Variants in RPS14 observed in about 807,000 individuals in gnomAD.
The protein encoded by RPS14 is small ribosomal subunit protein uS11.
Under a neutral mutation model 15.4 loss-of-function variants are expected in RPS14, and 1 was observed. That is an observed-to-expected ratio of 0.07 (90% CI 0.02 to 0.31). The LOEUF (loss-of-function observed/expected upper bound fraction) is 0.31, where lower values mean the gene tolerates loss of function less well. Ranked by LOEUF, RPS14 falls within the 10% of genes least tolerant of loss-of-function variation. The probability of loss-of-function intolerance (pLI) is 1.00; values close to 1 mark genes in which losing one functional copy is unlikely to be tolerated. For synonymous variants in RPS14, 68 were observed against 74.4 expected, an observed-to-expected ratio of 0.91 and a Z score of 0.44; for missense variants, 69 against 205.5, an observed-to-expected ratio of 0.34 and a Z score of 4.06.
At position 150,445,101 on chromosome 5, in the gene RPS14, C is replaced by T. The variant is rs575472387; in HGVS notation, c.388+508G>A. Among the ~76,000 whole-genome samples, 3 of 152,338 alleles carry T rather than the reference C, an allele frequency of 2.0e-5. No individual in the cohort carries two copies. The East Asian group carries it at 5.8e-4, about 29-fold the overall frequency. ...CGTCAGTGTATGTCGCTACTAACTG[C>T]ACAGAACAATGTGCAGGGAAAGACT... On this transcript the variant is annotated intron_variant, in intron 4 of 4. Coordinates refer to ENST00000407193, the MANE Select transcript of RPS14 (RefSeq NM_005617.4).
chr5:150,448,131 T>G lies in RPS14; in HGVS notation c.-2-396A>C, dbSNP rs372057981. Reference sequence around the variant, plus strand: ...ACCCTTCATGGGGCGAGGGAGCTGCTTGATTCCTGCATGAACTCCTCAGCT... The same window carrying G: ...ACCCTTCATGGGGCGAGGGAGCTGCGTGATTCCTGCATGAACTCCTCAGCT... On this transcript the variant is annotated intron_variant, in intron 1 of 4. Coordinates refer to ENST00000407193, the MANE Select transcript of RPS14 (RefSeq NM_005617.4). The G allele has an allele frequency of 3.7e-4, 61 of 164,906 alleles. 1 individual carries two copies. Among genetic ancestry groups the G allele is most frequent in the African/African-American group, 1.4e-3 (57 of 41,934 alleles). 10.2% of individuals were successfully genotyped at this position (164,906 alleles called of 1,614,324 possible). A position where few individuals can be genotyped will look rare whatever the true frequency, so the allele number is the denominator to read the frequency against.
At chr5:150,448,782 C>A (rs890164929) in intron 1 of RPS14, 2 of 152,284 alleles carry the variant, frequency 1.3e-5, no homozygotes, top group Admixed American at 1.3e-4. Context: ...TAGATCTCTC[C>A]TCTGCCTTCC....
chr5:150,444,644 A>G (rs1180369527), intron 4 of RPS14: 5 of 608,724 alleles, frequency 8.2e-6, no homozygotes, highest in Admixed American at 2.1e-5. Flanking sequence ...CGTCTTCTCT[A>G]GAGGAAAAAA....
chr5:150,445,325 A>T (rs1771060373), intron 4 of RPS14: 1 of 572,858 alleles, frequency 1.7e-6, no homozygotes, highest in Admixed American at 3.1e-5. Context: ...AATAGCAATG[A>T]CCTCAAGAAT....
At chr5:150,445,383 G>A (rs1771061380) in intron 4 of RPS14, 1 of 689,776 alleles carries the variant, frequency 1.4e-6, no homozygotes, top group Non-Finnish European at 2.7e-6. Flanking sequence ...GCACCAGGCA[G>A]TGTAGGACAG....
At chr5:150,444,861 C>CAAAAAA (rs58978883) in intron 4 of RPS14, among the ~76,000 whole-genome samples, 27,764 of 137,014 alleles carry the variant, frequency 0.2, 3,352 homozygotes, top group South Asian at 0.39. Flanking sequence ...CTCCCCGCTA[C>CAAAAAA]AAAAAAAAAA....
At chr5:150,447,287 C>A in intron 2 of RPS14, 1 of 529,850 alleles carries the variant, frequency 1.9e-6, no homozygotes, top group Non-Finnish European at 3.4e-6. Context: ...GCCGTCGAAC[C>A]CGCACCCAGA....
In RPS14 at chr5:150,444,590, T is replaced by C. The variant is rs1293984245; in HGVS notation, c.389-237A>G. 1.0e-5 allele frequency: 7 copies of C among 670,818 alleles called. No individual in the cohort carries two copies. In the Admixed American group the frequency reaches 1.4e-4, roughly 14 times the overall value. 41.6% of individuals were successfully genotyped at this position (670,818 alleles called of 1,614,324 possible). ...GAAACAGGCTGAGCTGTGCGCAAGA[T>C]GTCAGAGGCACAGGACAAATCCAGG... On this transcript the variant is annotated intron_variant, in intron 4 of 4. Coordinates refer to ENST00000407193, the MANE Select transcript of RPS14 (RefSeq NM_005617.4).
At chr5:150,448,375 G>T (rs1771166808) in intron 1 of RPS14, 1 of 152,182 alleles carries the variant, frequency 6.6e-6, no homozygotes, top group South Asian at 2.1e-4. Context: ...AATCTGATGG[G>T]TCCTGAGACT....
In RPS14 at chr5:150,444,121, G is replaced by A. The variant is rs1771017760; in HGVS notation, c.*165C>T. The A allele has an allele frequency of 1.9e-6, 2 of 1,064,162 alleles. No individual in the cohort carries two copies. Among genetic ancestry groups the A allele is most frequent in the African/African-American group, 1.6e-5 (1 of 62,280 alleles). The allele number at this position is 1,064,162 out of a possible 1,614,324, so 65.9% of individuals were successfully genotyped here. A position where few individuals can be genotyped will look rare whatever the true frequency, so the allele number is the denominator to read the frequency against. ...AAGTAGCATGGAAAAGACCCCAAAT[G>A]CAGCACCAGGATCTCAGCTCTCCTC... is the stretch of plus-strand genomic sequence containing the variant. On this transcript the variant is annotated 3_prime_UTR_variant, in exon 5 of 5. Transcript: ENST00000407193.
At chr5:150,444,538 G>A (rs1319273671) in intron 4 of RPS14, 185 bp from the exon 5 acceptor site, 8 of 674,058 alleles carry the variant, frequency 1.2e-5, no homozygotes, top group African/African-American at 7.1e-5. Context: ...ATTTCCTGAC[G>A]TGGTCTTAAC....
intron 1 of RPS14, chr5:150,448,477 GTGAGAATGAA>G (rs1771169930): frequency 1.3e-5 from 2 of 152,226 alleles, no homozygotes; most frequent in Admixed American, 6.5e-5. Context: ...AGGAAGGCGG[GTGAGAATGAA>G]TGAGAAAGTG....
Position 150,444,373 on chromosome 5 carries a change from G to A in RPS14, c.389-20C>T. ...CATCCTCTGTGGGGAGGAAGAGAAAGCGTCATTGCCTGGAGCTGGATGGGA... is the reference window on the plus strand; with the variant it reads ...CATCCTCTGTGGGGAGGAAGAGAAAACGTCATTGCCTGGAGCTGGATGGGA... On this transcript the variant is annotated intron_variant, in intron 4 of 4. Transcript: ENST00000407193. 6.2e-7 allele frequency: 1 copy of A among 1,603,824 alleles called. No individual in the cohort carries two copies. The highest frequency in any genetic ancestry group is 8.5e-7 in the Non-Finnish European group (1 of 1,172,694).
intron 1 of RPS14, 136 bp downstream of exon 1, chr5:150,449,567 C>T (rs1248667201): frequency 1.3e-5 from 2 of 152,350 alleles, no homozygotes; most frequent in African/African-American, 4.8e-5. Context: ...TGGCCAGGAT[C>T]CAGGTGGGCC....
chr5:150,445,580 C>G, intron 4 of RPS14, 29 bp downstream of exon 4: 10 of 1,605,096 alleles, frequency 6.2e-6, no homozygotes, highest in Non-Finnish European at 8.5e-6. Context: ...CAAAATAAAC[C>G]CAAGCATTAG....
chr5:150,445,116 AG>A (rs1262537788), intron 4 of RPS14, among the ~76,000 whole-genome samples: 3 of 152,218 alleles, frequency 2.0e-5, no homozygotes, highest in Admixed American at 2.0e-4. Context: ...AACAATGTGC[AG>A]GGAAAGACTA....
Position 150,444,222 on chromosome 5 carries a change from G to GGAGA in RPS14, c.*63_*64insTCTC. On this transcript the variant is annotated 3_prime_UTR_variant, in exon 5 of 5. Transcript: ENST00000407193. The stretch of plus-strand genomic sequence containing the variant: ...AGTAGCCCCTGATGAAGGAGAGAAG[G>GGAGA]CTGGAGTTGAAACAGTTTACATGAA... 1.9e-6 allele frequency: 3 copies of GGAGA among 1,550,168 alleles called. No individual in the cohort carries two copies. The highest frequency in any genetic ancestry group is 1.7e-6 in the Non-Finnish European group (2 of 1,143,796).
intron 4 of RPS14, among the ~76,000 whole-genome samples, chr5:150,444,796 C>G (rs1013570186): frequency 6.6e-6 from 1 of 151,374 alleles, no homozygotes; most frequent in Non-Finnish European, 1.5e-5. Flanking sequence ...GAGACTGAGG[C>G]TGGTGGAACG....
rs541042243 is a variant in RPS14, at chr5:150,448,140, G to C, written c.-2-405C>G. ...GGGGCGAGGGAGCTGCTTGATTCCT[G>C]CATGAACTCCTCAGCTTAGAATTCA... is the stretch of plus-strand genomic sequence containing the variant. On this transcript the variant is annotated intron_variant, in intron 1 of 4. Coordinates refer to ENST00000407193, the MANE Select transcript of RPS14 (RefSeq NM_005617.4). 17 of 163,102 alleles carry C rather than the reference G, an allele frequency of 1.0e-4. No individual in the cohort carries two copies. In the South Asian group the frequency reaches 2.9e-3, roughly 27 times the overall value. The allele number at this position is 163,102 out of a possible 1,614,324, so 10.1% of individuals were successfully genotyped here.
Sources: gnomAD v4.1 joint callset for allele counts (sites outside exome capture counted in the v4.1 genomes callset) on GRCh38, gnomAD v4.1.1 for gene constraint, MANE v1.5 for transcripts, NCBI Gene and HGNC (gene_info 2026-07-23, HGNC 2026-07-21) for gene names.